The following ATP10A variants were observed in gnomAD, a reference collection of about 807,000 sequenced individuals.
The protein encoded by ATP10A is ATPase phospholipid transporting 10A (putative).
ATP10A carries 111 observed loss-of-function variants against 147.8 expected under a neutral mutation model. The observed-to-expected ratio is 0.75, with a 90% CI of 0.64 to 0.88. ATP10A has a LOEUF of 0.88. ATP10A is among the 40% of genes least tolerant of loss of function. The probability of loss-of-function intolerance (pLI) is 0.00; values close to 1 mark genes in which losing one functional copy is unlikely to be tolerated. For synonymous variants in ATP10A, 875 were observed against 841.6 expected, an observed-to-expected ratio of 1.04 and a Z score of -0.69; for missense variants, 1,927 against 1,959.0, an observed-to-expected ratio of 0.98 and a Z score of 0.31.
chr15:25,712,642 C>G lies in ATP10A; in HGVS notation c.2344+1032G>C, dbSNP rs1901512716. On this transcript the variant is annotated intron_variant, in intron 10 of 20. Transcript: ENST00000555815. ...GATTTTCAGAAGAAGCTTCCTAGAA[C>G]TCAAACTGTGTCCATGAATTGGATT... Among the ~76,000 whole-genome samples the G allele has an allele frequency of 4.6e-5, 7 of 152,326 alleles. No individual in the cohort carries two copies. In the South Asian group the frequency reaches 1.5e-3, roughly 32 times the overall value.
chr15:25,716,090 C>T (rs551408625), intron 9 of ATP10A, among the ~76,000 whole-genome samples: 2 of 152,346 alleles, frequency 1.3e-5, no homozygotes, highest in South Asian at 4.1e-4. Flanking sequence ...TCCTAAGTAG[C>T]CTCTGATCGA....
At chr15:25,824,601 C>T (rs1331496414) in intron 1 of ATP10A, among the ~76,000 whole-genome samples, 1 of 144,634 alleles carries the variant, frequency 6.9e-6, no homozygotes, top group Non-Finnish European at 1.5e-5. Context: ...CATTTAATAT[C>T]CTATGTTTAG....
chr15:25,807,173 G>A (rs1161761846), intron 1 of ATP10A, among the ~76,000 whole-genome samples: 5 of 152,188 alleles, frequency 3.3e-5, no homozygotes, highest in African/African-American at 7.2e-5. Context: ...GCATCCTTAC[G>A]TTTTTCAAGC....
intron 2 of ATP10A, among the ~76,000 whole-genome samples, chr15:25,756,331 G>A (rs569712759): frequency 2.2e-4 from 34 of 152,262 alleles, no homozygotes; most frequent in African/African-American, 7.0e-4. Context: ...ATGAGAGCTC[G>A]GATTAATTGG....
At chr15:25,764,162 C>CA (rs1312250797) in intron 2 of ATP10A, among the ~76,000 whole-genome samples, 1 of 152,114 alleles carries the variant, frequency 6.6e-6, no homozygotes, top group Non-Finnish European at 1.5e-5. Context: ...TGCATTTCTT[C>CA]AAGGCACCGA....
chr15:25,690,245 A>ATT (rs1567302737), intron 15 of ATP10A, among the ~76,000 whole-genome samples: 19 of 150,082 alleles, frequency 1.3e-4, no homozygotes, highest in East Asian at 5.9e-4. Flanking sequence ...TTTTTTAAAA[A>ATT]AAAAAAAAAA....
At chr15:25,795,545 C>G (rs1196480724) in intron 1 of ATP10A, among the ~76,000 whole-genome samples, 1 of 152,168 alleles carries the variant, frequency 6.6e-6, no homozygotes, top group Non-Finnish European at 1.5e-5. Flanking sequence ...AGAATGAGCT[C>G]TGATTTTGGT....
intron 1 of ATP10A, among the ~76,000 whole-genome samples, chr15:25,837,551 G>A (rs569851893): frequency 8.5e-5 from 13 of 152,270 alleles, no homozygotes; most frequent in East Asian, 1.9e-4. Context: ...GCTGCAGGAC[G>A]CATAAACCTA....
intron 1 of ATP10A, among the ~76,000 whole-genome samples, chr15:25,852,132 A>G (rs1893323729): frequency 6.6e-6 from 1 of 151,694 alleles, no homozygotes; most frequent in South Asian, 2.1e-4. Flanking sequence ...CCTCCCTCCA[A>G]TTTAATGCCA....
chr15:25,767,345 G>A (rs1022617059), intron 2 of ATP10A, among the ~76,000 whole-genome samples: 2 of 152,170 alleles, frequency 1.3e-5, no homozygotes, highest in African/African-American at 4.8e-5. Flanking sequence ...AGGATGGATG[G>A]AGGCTGCGCC....
At chr15:25,750,297 A>T (rs1051761774) in intron 2 of ATP10A, among the ~76,000 whole-genome samples, 1 of 152,258 alleles carries the variant, frequency 6.6e-6, no homozygotes, top group African/African-American at 2.4e-5. Flanking sequence ...TCTTTAAAGC[A>T]CCAAAGTGTA....
intron 13 of ATP10A, among the ~76,000 whole-genome samples, chr15:25,698,128 C>T (rs1415272707): frequency 6.6e-6 from 1 of 152,114 alleles, no homozygotes; most frequent in Non-Finnish European, 1.5e-5. Context: ...AAAACTAAGG[C>T]AATGTATGAA....
chr15:25,833,276 C>T (rs950078353), intron 1 of ATP10A, among the ~76,000 whole-genome samples: 2 of 152,064 alleles, frequency 1.3e-5, no homozygotes, highest in African/African-American at 4.8e-5. Context: ...AGCCACTGCG[C>T]CGGGCCCATA....
At chr15:25,773,818 CCACA>C (rs56751876) in intron 2 of ATP10A, among the ~76,000 whole-genome samples, 30,206 of 137,634 alleles carry the variant, frequency 0.22, 3,124 homozygotes, top group Non-Finnish European at 0.24. Flanking sequence ...ACCTAAACAT[CCACA>C]CACACACACA....
At chr15:25,806,875 T>A (rs1486149880) in intron 1 of ATP10A, among the ~76,000 whole-genome samples, 3 of 152,180 alleles carry the variant, frequency 2.0e-5, no homozygotes, top group African/African-American at 7.2e-5. Context: ...CTCTCCACCA[T>A]AAATGTTGAC....
chr15:25,698,329 C>T (rs7169798), intron 13 of ATP10A, among the ~76,000 whole-genome samples: 152,068 of 152,338 alleles, frequency 1, 75,901 homozygotes, highest in Non-Finnish European at 1. Context: ...CTGGATGGGC[C>T]CAATGGGAGA....
At chr15:25,843,760 T>C (rs1215460680) in intron 1 of ATP10A, among the ~76,000 whole-genome samples, 3 of 152,134 alleles carry the variant, frequency 2.0e-5, no homozygotes, top group Admixed American at 6.5e-5. Flanking sequence ...ATCTGAGCTA[T>C]CTGGGAAAAT....
At chr15:25,810,423 G>A (rs1267983116) in intron 1 of ATP10A, among the ~76,000 whole-genome samples, 2 of 152,172 alleles carry the variant, frequency 1.3e-5, no homozygotes, top group East Asian at 1.9e-4. Flanking sequence ...AGGTTCTTAT[G>A]GTTCCTTTAA....
chr15:25,714,424 A>T (rs528919751), intron 9 of ATP10A, among the ~76,000 whole-genome samples, 183 bp from the exon 10 acceptor site: 2 of 151,958 alleles, frequency 1.3e-5, no homozygotes, highest in Non-Finnish European at 2.9e-5. Context: ...TGCAAGCAGA[A>T]TAGTGTCGCA....
Sources: gnomAD v4.1 joint callset for allele counts (sites outside exome capture counted in the v4.1 genomes callset) on GRCh38, gnomAD v4.1.1 for gene constraint, MANE v1.5 for transcripts, NCBI Gene and HGNC (gene_info 2026-07-23, HGNC 2026-07-21) for gene names.